The following CCDC15 variants were observed in gnomAD, a reference collection of about 807,000 sequenced individuals.
CCDC15 encodes coiled-coil domain containing 15, also known as coiled-coil domain-containing protein 15.
A neutral mutation model predicts 114.5 loss-of-function variants in CCDC15; 105 were observed. The ratio of observed to expected loss-of-function variants is 0.92; its 90% CI spans 0.78 to 1.08. The LOEUF is 1.08. Ranked by LOEUF, CCDC15 falls within the 50% of genes least tolerant of loss-of-function variation. CCDC15 has a pLI of 0.00. For synonymous variants in CCDC15, 334 were observed against 377.8 expected, an observed-to-expected ratio of 0.88 and a Z score of 1.34; for missense variants, 1,105 against 1,093.6, an observed-to-expected ratio of 1.01 and a Z score of -0.15.
intron 13 of CCDC15, among the ~76,000 whole-genome samples, chr11:125,013,804 G>T (rs1257943692): frequency 6.6e-6 from 1 of 152,132 alleles, no homozygotes; most frequent in African/African-American, 2.4e-5. Context: ...AAAGTTCTGG[G>T]AACAATAGGA....
At chr11:125,030,321 G>T (rs1948729710) in intron 13 of CCDC15, among the ~76,000 whole-genome samples, 1 of 152,110 alleles carries the variant, frequency 6.6e-6, no homozygotes, top group South Asian at 2.1e-4. Flanking sequence ...GACTTCAAAA[G>T]GATATTCCAC....
At chr11:124,958,483 T>C (rs1947593808) in intron 2 of CCDC15, among the ~76,000 whole-genome samples, 1 of 152,176 alleles carries the variant, frequency 6.6e-6, no homozygotes, top group Non-Finnish European at 1.5e-5. Flanking sequence ...GTTTTGGAAT[T>C]GAGCAATTAT....
chr11:124,992,228 A>G (rs979486694), intron 9 of CCDC15, among the ~76,000 whole-genome samples: 2 of 152,210 alleles, frequency 1.3e-5, no homozygotes, highest in African/African-American at 4.8e-5. Context: ...TATCACGTTC[A>G]TATCTTATTC....
At chr11:125,010,985 G>A (rs1196576711) in intron 13 of CCDC15, among the ~76,000 whole-genome samples, 1 of 151,774 alleles carries the variant, frequency 6.6e-6, no homozygotes, top group Non-Finnish European at 1.5e-5. Context: ...TAAAGGTAGG[G>A]GTCCAGTTTC....
chr11:124,999,068 C>T (rs572558922), intron 11 of CCDC15, among the ~76,000 whole-genome samples: 1 of 152,024 alleles, frequency 6.6e-6, no homozygotes. Context: ...CTTTTTGTTG[C>T]TTGCACATTA....
intron 13 of CCDC15, among the ~76,000 whole-genome samples, chr11:125,014,649 G>A (rs1026340267): frequency 6.6e-6 from 1 of 152,166 alleles, no homozygotes; most frequent in African/African-American, 2.4e-5. Context: ...ACTCACTAGA[G>A]TAGCTTAAGG....
Position 124,986,760 on chromosome 11 carries a change from CCTGA to C in CCDC15, c.775_778del (p.Asp259MetfsTer8). 5 of 1,539,894 alleles carry C rather than the reference CCTGA, an allele frequency of 3.2e-6. No homozygotes were observed. The highest frequency in any genetic ancestry group is 4.4e-6 in the Non-Finnish European group (5 of 1,142,628). The stretch of plus-strand genomic sequence containing the variant: ...TCTTTAGGAACTTGACTATGAGGAA[CCTGA>C]CTATGAGGAATCTTCATCTCTTGTA... On this transcript the variant is annotated frameshift_variant, in exon 7 of 16. Coordinates refer to ENST00000344762, the MANE Select transcript of CCDC15 (RefSeq NM_025004.3). LOFTEE classifies it high-confidence loss of function.
chr11:124,961,826 G>C (rs182309473), intron 4 of CCDC15, among the ~76,000 whole-genome samples: 1 of 151,872 alleles, frequency 6.6e-6, no homozygotes, highest in South Asian at 2.1e-4. Flanking sequence ...ACACCTGGCC[G>C]AGATAATTTT....
intron 13 of CCDC15, among the ~76,000 whole-genome samples, chr11:125,030,772 C>A (rs1948733173): frequency 6.6e-6 from 1 of 152,178 alleles, no homozygotes; most frequent in South Asian, 2.1e-4. Context: ...TAACCTCCAT[C>A]CCTGCCACCA....
intron 3 of CCDC15, among the ~76,000 whole-genome samples, chr11:124,959,540 C>CT (rs1382632242): frequency 6.6e-6 from 1 of 152,150 alleles, no homozygotes; most frequent in Non-Finnish European, 1.5e-5. Flanking sequence ...TAGCTATTGA[C>CT]TTTTGGCTAA....
rs1591612515 is a variant in CCDC15 at position 125,025,025 on chromosome 11, T to TAAATATGA, written c.2412-13405_2412-13404insAATATGAA. ...ATATATATATGAATATATATATGAA[T>TAAATATGA]ATATATATGAATACATATGAATATA... On this transcript the variant is annotated intron_variant, in intron 13 of 15. Coordinates refer to ENST00000344762, the MANE Select transcript of CCDC15 (RefSeq NM_025004.3). 2.2e-4 allele frequency among the ~76,000 whole-genome samples: 20 copies of TAAATATGA among 89,616 alleles called. 1 individual carries two copies. The East Asian group carries it at 0.012, about 52-fold the overall frequency. 58.8% of individuals were successfully genotyped at this position (89,616 alleles called of 152,430 possible).
intron 13 of CCDC15, among the ~76,000 whole-genome samples, chr11:125,016,191 G>GCTTA (rs1948628095): frequency 6.6e-6 from 1 of 152,118 alleles, no homozygotes; most frequent in Non-Finnish European, 1.5e-5. Flanking sequence ...TGTTTATTGT[G>GCTTA]CGTAAGAAGG....
chr11:125,011,248 A>ATTTTTT (rs71478462), intron 13 of CCDC15, among the ~76,000 whole-genome samples: 28 of 147,236 alleles, frequency 1.9e-4, no homozygotes, highest in African/African-American at 6.3e-4. Flanking sequence ...TATTATTATT[A>ATTTTTT]TTTTTTAAGA....
chr11:125,027,093 T>G (rs1948708532), intron 13 of CCDC15, among the ~76,000 whole-genome samples: 1 of 152,224 alleles, frequency 6.6e-6, no homozygotes, highest in African/African-American at 2.4e-5. Flanking sequence ...CTGAGTAGTA[T>G]TCCATGGTGT....
At chr11:125,035,844 A>T (rs969601284) in intron 13 of CCDC15, among the ~76,000 whole-genome samples, 1 of 152,220 alleles carries the variant, frequency 6.6e-6, no homozygotes, top group Non-Finnish European at 1.5e-5. Flanking sequence ...ACAAACTAAC[A>T]AGTAAAGAGA....
intron 15 of CCDC15, among the ~76,000 whole-genome samples, chr11:125,039,916 T>C (rs1948804034): frequency 6.6e-6 from 1 of 152,252 alleles, no homozygotes; most frequent in South Asian, 2.1e-4. Flanking sequence ...CCTTTACTCT[T>C]GTTATTTCTT....
At chr11:124,967,897 C>T (rs570707055) in intron 4 of CCDC15, among the ~76,000 whole-genome samples, 7 of 152,192 alleles carry the variant, frequency 4.6e-5, no homozygotes, top group Admixed American at 3.3e-4. Flanking sequence ...GGTCCCTCAG[C>T]TGCAGGTCTG....
intron 3 of CCDC15, 50 bp downstream of exon 3, chr11:124,959,314 T>A: frequency 6.9e-7 from 1 of 1,451,614 alleles, no homozygotes; most frequent in Non-Finnish European, 9.2e-7. Context: ...AATATGTGTG[T>A]TATGAGATAA....
rs545277323 is a variant in CCDC15 at position 125,032,183 on chromosome 11, G to A, written c.2412-6248G>A. On this transcript the variant is annotated intron_variant, in intron 13 of 15. Coordinates refer to ENST00000344762, the MANE Select transcript of CCDC15 (RefSeq NM_025004.3). ...GTAGTGGACCAGTGTGATATCTTGCGGAAGTGGAAAGTGATCAAGGTCTCT... is the reference window on the plus strand; with the variant it reads ...GTAGTGGACCAGTGTGATATCTTGCAGAAGTGGAAAGTGATCAAGGTCTCT... Among the ~76,000 whole-genome samples, 18 of 152,322 alleles carry A rather than the reference G, an allele frequency of 1.2e-4. No individual in the cohort carries two copies. The East Asian group carries it at 2.7e-3, about 23-fold the overall frequency.
Sources: gnomAD v4.1 joint callset for allele counts (sites outside exome capture counted in the v4.1 genomes callset) on GRCh38, gnomAD v4.1.1 for gene constraint, MANE v1.5 for transcripts, NCBI Gene and HGNC (gene_info 2026-07-23, HGNC 2026-07-21) for gene names.